Variants in DTNB observed in about 807,000 individuals in gnomAD.
DTNB encodes the protein DTN-B.
Under a neutral mutation model 90.7 loss-of-function variants are expected in DTNB, and 63 were observed. The observed-to-expected ratio is 0.69, with a 90% CI of 0.57 to 0.86. The LOEUF (loss-of-function observed/expected upper bound fraction) is 0.86, where lower values mean the gene tolerates loss of function less well. Ranked by LOEUF, DTNB falls within the 40% of genes least tolerant of loss-of-function variation. The pLI is 0.00. For synonymous variants in DTNB, 277 were observed against 286.7 expected, an observed-to-expected ratio of 0.97 and a Z score of 0.34; for missense variants, 744 against 807.1, an observed-to-expected ratio of 0.92 and a Z score of 0.95.
At chr2:25,612,860 A>C (rs2069014032) in intron 4 of DTNB, among the ~76,000 whole-genome samples, 1 of 152,150 alleles carries the variant, frequency 6.6e-6, no homozygotes, top group African/African-American at 2.4e-5. Flanking sequence ...CAAACCACCA[A>C]AGCTCACTCA....
intron 14 of DTNB, among the ~76,000 whole-genome samples, chr2:25,428,699 CTGG>C (rs2052758499): frequency 2.6e-5 from 4 of 152,148 alleles, no homozygotes; most frequent in Non-Finnish European, 5.9e-5. Flanking sequence ...TCCCAAAGTG[CTGG>C]GATTACAGTC....
At chr2:25,421,979 G>A (rs1360717622) in intron 15 of DTNB, among the ~76,000 whole-genome samples, 1 of 152,210 alleles carries the variant, frequency 6.6e-6, no homozygotes, top group African/African-American at 2.4e-5. Flanking sequence ...TTGGCAAAGT[G>A]TTATTTAGGA....
At chr2:25,526,388 TATATATA>T (rs1257064339) in intron 9 of DTNB, among the ~76,000 whole-genome samples, 22 of 62,004 alleles carry the variant, frequency 3.5e-4, no homozygotes, top group African/African-American at 9.0e-4. Flanking sequence ...TATATATATA[TATATATA>T]TTTTTTTTTT....
chr2:25,387,249 AG>A lies in DTNB; in HGVS notation c.1825+39del, dbSNP rs562256876. 8,040 of 1,590,062 alleles carry A rather than the reference AG, an allele frequency of 5.1e-3. 31 individuals carry two copies. The highest frequency in any genetic ancestry group is 6.3e-3 in the Non-Finnish European group (7,313 of 1,163,010). Reference sequence around the variant, plus strand: ...GAAGTGAGAAGGGCGCGGGCAAGGCAGGGGAGGCCAGGAAGCTGGCTGGGAG... The same window carrying A: ...GAAGTGAGAAGGGCGCGGGCAAGGCAGGGAGGCCAGGAAGCTGGCTGGGAG... On this transcript the variant is annotated intron_variant, in intron 18 of 20. Transcript: ENST00000406818. This position sits in a 1 kb window ranked among gnomAD's most constrained non-coding sequence, Gnocchi z 4.5.
intron 8 of DTNB, chr2:25,558,327 C>A: frequency 3.0e-6 from 3 of 985,438 alleles, no homozygotes; most frequent in Non-Finnish European, 3.6e-6. Context: ...GCAATTCACA[C>A]TACTGGGTCA....
intron 10 of DTNB, among the ~76,000 whole-genome samples, chr2:25,467,001 A>G (rs555198636): frequency 1.3e-5 from 2 of 152,278 alleles, no homozygotes; most frequent in East Asian, 3.9e-4. Flanking sequence ...TTATTTACTA[A>G]TATTATCTTC....
chr2:25,429,518 G>A (rs553965787), intron 14 of DTNB, among the ~76,000 whole-genome samples: 1 of 152,272 alleles, frequency 6.6e-6, no homozygotes, highest in South Asian at 2.1e-4. Flanking sequence ...CAACATCACT[G>A]TCGGGAAGCT....
intron 6 of DTNB, among the ~76,000 whole-genome samples, chr2:25,581,902 G>T (rs893476109): frequency 6.6e-6 from 1 of 152,162 alleles, no homozygotes; most frequent in African/African-American, 2.4e-5. Flanking sequence ...CATGGCCGTC[G>T]GCTGCCTCCT....
At chr2:25,597,491 CA>C (rs1428628643) in intron 5 of DTNB, among the ~76,000 whole-genome samples, 3 of 151,666 alleles carry the variant, frequency 2.0e-5, no homozygotes, top group Admixed American at 6.6e-5. Flanking sequence ...AGCATCAGGT[CA>C]AAAAAAATTT....
chr2:25,607,653 T>G (rs545484125), intron 4 of DTNB, among the ~76,000 whole-genome samples: 5 of 152,178 alleles, frequency 3.3e-5, no homozygotes, highest in Admixed American at 6.6e-5. Context: ...CTGTAGTTCT[T>G]AAGTATTCAA....
intron 14 of DTNB, among the ~76,000 whole-genome samples, chr2:25,429,786 A>G (rs72812131): frequency 0.042 from 6,359 of 152,260 alleles, 160 homozygotes; most frequent in Middle Eastern, 0.078. Flanking sequence ...TGACCTAACA[A>G]TTAAGACTTT....
chr2:25,397,645 C>T (rs921535676), intron 16 of DTNB, among the ~76,000 whole-genome samples: 1 of 151,894 alleles, frequency 6.6e-6, no homozygotes, highest in Non-Finnish European at 1.5e-5. Flanking sequence ...TTTGGGAGGC[C>T]GAGGTAGGTG....
At chr2:25,528,515 T>C (rs1371180623) in intron 9 of DTNB, among the ~76,000 whole-genome samples, 1 of 152,184 alleles carries the variant, frequency 6.6e-6, no homozygotes, top group East Asian at 1.9e-4. Flanking sequence ...TATATAATTA[T>C]TTATAGAAAA....
chr2:25,477,572 G>T (rs1362160213), intron 10 of DTNB, among the ~76,000 whole-genome samples: 1 of 152,098 alleles, frequency 6.6e-6, no homozygotes, highest in African/African-American at 2.4e-5. Context: ...ATGGTATTAT[G>T]TCCCAAGTCA....
chr2:25,654,967 T>C (rs1229560964), intron 1 of DTNB, among the ~76,000 whole-genome samples: 1 of 152,186 alleles, frequency 6.6e-6, no homozygotes, highest in Non-Finnish European at 1.5e-5. Context: ...ACCAAATTGA[T>C]GCTAAGAAAA....
At chr2:25,493,134 C>G (rs755256232) in intron 9 of DTNB, among the ~76,000 whole-genome samples, 1 of 152,160 alleles carries the variant, frequency 6.6e-6, no homozygotes, top group Non-Finnish European at 1.5e-5. Context: ...ATTTGGGAAT[C>G]TTGAGCAGAT....
At chr2:25,578,199 A>G (rs2061004338) in intron 7 of DTNB, among the ~76,000 whole-genome samples, 1 of 152,222 alleles carries the variant, frequency 6.6e-6, no homozygotes, top group Non-Finnish European at 1.5e-5. Flanking sequence ...AAACAATATA[A>G]CAAGATTATA....
chr2:25,553,740 T>G (rs1572496620), intron 8 of DTNB, among the ~76,000 whole-genome samples: 1 of 83,436 alleles, frequency 1.2e-5, no homozygotes, highest in African/African-American at 5.0e-5. Context: ...AAACTCCTTC[T>G]CAAAAAAAAA....
In DTNB at chr2:25,588,014, T is replaced by A. The variant is rs753624016; in HGVS notation, c.604-7188A>T. On this transcript the variant is annotated intron_variant, in intron 6 of 20. Coordinates refer to ENST00000406818, the MANE Select transcript of DTNB (RefSeq NM_021907.5). Reference sequence around the variant, plus strand: ...TGAATTGGTCACACCAGCCTCTTGATGAACTGAAATTCCTTTCATCTATTC... The same window carrying A: ...TGAATTGGTCACACCAGCCTCTTGAAGAACTGAAATTCCTTTCATCTATTC... Among the ~76,000 whole-genome samples, 5 of 152,220 alleles carry A rather than the reference T, an allele frequency of 3.3e-5. No homozygotes were observed. In the East Asian group the frequency reaches 9.6e-4, roughly 29 times the overall value.
Sources: gnomAD v4.1 joint callset for allele counts (sites outside exome capture counted in the v4.1 genomes callset) on GRCh38, gnomAD v4.1.1 for gene constraint, Gnocchi (gnomAD v3.1) non-coding constraint, MANE v1.5 for transcripts, NCBI Gene and HGNC (gene_info 2026-07-23, HGNC 2026-07-21) for gene names.